Variants in DNAH6 observed in about 807,000 individuals in gnomAD.
DNAH6 encodes the protein dynein axonemal heavy chain 6, also known as axonemal beta dynein heavy chain 6.
Under a neutral mutation model 491.4 loss-of-function variants are expected in DNAH6, and 340 were observed. That is an observed-to-expected ratio of 0.69 (90% CI 0.63 to 0.76). The LOEUF (loss-of-function observed/expected upper bound fraction) is 0.76, where lower values mean the gene tolerates loss of function less well. Ranked by LOEUF, DNAH6 falls within the 30% of genes least tolerant of loss-of-function variation. DNAH6 has a pLI of 0.00. For synonymous variants in DNAH6, 1,603 were observed against 1,686.1 expected (o/e 0.95, Z 1.21); for missense variants, 4,443 against 4,972.2 (o/e 0.89, Z 3.20).
intron 5 of DNAH6, among the ~76,000 whole-genome samples, chr2:84,545,714 A>T: frequency 6.6e-6 from 1 of 152,142 alleles, no homozygotes; most frequent in South Asian, 2.1e-4. Context: ...CAGTCGTTTA[A>T]ATATGTATTA....
At chr2:84,734,295 C>T (rs553461825) in intron 62 of DNAH6, among the ~76,000 whole-genome samples, 1 of 152,006 alleles carries the variant, frequency 6.6e-6, no homozygotes, top group South Asian at 2.1e-4. Flanking sequence ...CGCCCACCAC[C>T]ACACCCGGCT....
chr2:84,758,511 T>G (rs972551210), intron 63 of DNAH6, among the ~76,000 whole-genome samples: 2 of 151,666 alleles, frequency 1.3e-5, no homozygotes, highest in African/African-American at 4.8e-5. Flanking sequence ...AAATATAGAC[T>G]CAAAAATCCC....
At chr2:84,750,139 T>G (rs1313169431) in intron 63 of DNAH6, among the ~76,000 whole-genome samples, 1 of 151,888 alleles carries the variant, frequency 6.6e-6, no homozygotes, top group Non-Finnish European at 1.5e-5. Flanking sequence ...TGTTAATTTT[T>G]TAGATGTAAT....
Position 84,703,396 on chromosome 2 carries a change from C to A in DNAH6, c.8063C>A (p.Ala2688Glu). 6.7e-7 allele frequency: 1 copy of A among 1,500,162 alleles called. No individual in the cohort carries two copies. Among genetic ancestry groups the A allele is most frequent in the Non-Finnish European group, 8.9e-7 (1 of 1,120,696 alleles). 92.9% of individuals were successfully genotyped at this position (1,500,162 alleles called of 1,614,324 possible). A position where few individuals can be genotyped will look rare whatever the true frequency, so the allele number is the denominator to read the frequency against. Residue 2688 changes from alanine (A) to glutamate (E), a missense_variant and splice_region_variant, in exon 50 of 77, where the codon GCA (alanine) becomes GAA (glutamate). By Grantham distance (107) the Ala-to-Glu change is moderately radical (BLOSUM62 -1). Coordinates refer to ENST00000389394, the MANE Select transcript of DNAH6 (RefSeq NM_001370.2). ...LSEKRKQIIS[A>E]RDRVKNGLTK... ...ATATAAATTTTCATTGTCACTTAGG[C>A]ACGAGATCGGGTGAAGAATGGTCTC...
At chr2:84,555,565 C>T (rs1026670866) in intron 10 of DNAH6, among the ~76,000 whole-genome samples, 6 of 152,164 alleles carry the variant, frequency 3.9e-5, no homozygotes, top group Non-Finnish European at 5.9e-5. Context: ...ATATTTATAT[C>T]TATATCTACC....
chr2:84,534,122 G>A (rs1481572742), intron 4 of DNAH6, among the ~76,000 whole-genome samples: 1 of 151,968 alleles, frequency 6.6e-6, no homozygotes, highest in Non-Finnish European at 1.5e-5. Flanking sequence ...CTGATGGTCT[G>A]AGTGAGTATC....
At chr2:84,753,899 A>T (rs1673732248) in intron 63 of DNAH6, among the ~76,000 whole-genome samples, 1 of 146,992 alleles carries the variant, frequency 6.8e-6, no homozygotes, top group Non-Finnish European at 1.5e-5. Context: ...ATCTCAGCTC[A>T]CTGCAACCTC....
rs374256100 is a variant in DNAH6, at chr2:84,816,710, C to T, written c.12373+627C>T. Among the ~76,000 whole-genome samples the T allele has an allele frequency of 1.7e-3, 262 of 152,124 alleles. 2 individuals carry two copies. In the South Asian group the frequency reaches 0.023, roughly 13 times the overall value. On this transcript the variant is annotated intron_variant, in intron 76 of 76. Transcript: ENST00000389394. ...TGCACTCCAGCCTAGGTAACAAGAG[C>T]GAAAACTCCATCATAAATAAGTAAA...
At chr2:84,633,007 C>G (rs547092125) in intron 29 of DNAH6, among the ~76,000 whole-genome samples, 1 of 152,238 alleles carries the variant, frequency 6.6e-6, no homozygotes, top group Admixed American at 6.5e-5. Context: ...TTGTTTCCCC[C>G]AAATGCCCCT....
chr2:84,755,567 G>A (rs1321998133), intron 63 of DNAH6, among the ~76,000 whole-genome samples: 1 of 151,908 alleles, frequency 6.6e-6, no homozygotes, highest in Non-Finnish European at 1.5e-5. Flanking sequence ...CTAGTGTTTT[G>A]TATATACAAA....
At chr2:84,589,124 G>A (rs766747133) in intron 16 of DNAH6, among the ~76,000 whole-genome samples, 170 bp downstream of exon 16, 2 of 152,166 alleles carry the variant, frequency 1.3e-5, no homozygotes, top group Non-Finnish European at 2.9e-5. Context: ...CCTTGCCTTC[G>A]AAGTGTTTAA....
At chr2:84,667,138 A>G (rs1692211739) in intron 37 of DNAH6, among the ~76,000 whole-genome samples, 1 of 152,222 alleles carries the variant, frequency 6.6e-6, no homozygotes, top group Admixed American at 6.5e-5. Context: ...CTAAAACCAT[A>G]AAAACCCTAG....
At chr2:84,585,721 C>T (rs1472821349) in intron 15 of DNAH6, among the ~76,000 whole-genome samples, 1 of 152,026 alleles carries the variant, frequency 6.6e-6, no homozygotes, top group African/African-American at 2.4e-5. Context: ...GCCCCGACAT[C>T]TCTGCAGGTC....
the DNAH6 span, among the ~76,000 whole-genome samples, chr2:84,461,949 C>A: frequency 1.1e-4 from 16 of 152,164 alleles, no homozygotes; most frequent in African/African-American, 3.9e-4. Context: ...AAGCAAAAGA[C>A]TAGAATTCAC....
At chr2:84,690,600 T>C (rs1256532046) in intron 45 of DNAH6, among the ~76,000 whole-genome samples, 6 of 152,200 alleles carry the variant, frequency 3.9e-5, no homozygotes, top group Non-Finnish European at 1.5e-5. Context: ...CCCCTCAAGG[T>C]TTGCTTAAAA....
chr2:84,652,124 G>A (rs983152120), intron 33 of DNAH6, among the ~76,000 whole-genome samples: 4 of 151,864 alleles, frequency 2.6e-5, no homozygotes, highest in East Asian at 1.9e-4. Flanking sequence ...CTTTGCACAC[G>A]TATGATATTT....
At chr2:84,469,489 TGTG>T in the DNAH6 span, among the ~76,000 whole-genome samples, 1 of 152,154 alleles carries the variant, frequency 6.6e-6, no homozygotes, top group Non-Finnish European at 1.5e-5. The surrounding 1 kb of genome is among the most constrained non-coding windows in gnomAD (Gnocchi z 4.0). Flanking sequence ...AGTTTCAACA[TGTG>T]GTCTCTGGGC....
In DNAH6 at chr2:84,547,301, T is replaced by C; in HGVS notation, c.964T>C (p.Leu322=). 1 of 1,547,100 alleles carries C rather than the reference T, an allele frequency of 6.5e-7. No individual in the cohort carries two copies. The highest frequency in any genetic ancestry group is 8.7e-7 in the Non-Finnish European group (1 of 1,144,652). ...ACCAGCTCTTCTTAAAATAAATGAA[T>C]TGTGTTATCATTTGAGTTTTATGGG... ...LRPALLKINE[L]CYHLSFMGLC... The change falls in exon 6 of 77, where the codon TTG becomes CTG. Residue 322 remains leucine, a synonymous_variant. Coordinates refer to ENST00000389394, the MANE Select transcript of DNAH6 (RefSeq NM_001370.2).
intron 12 of DNAH6, among the ~76,000 whole-genome samples, chr2:84,575,802 T>G (rs1004321836): frequency 6.6e-6 from 1 of 152,104 alleles, no homozygotes; most frequent in Non-Finnish European, 1.5e-5. Context: ...GAGAATGGTG[T>G]GAACCCAGGA....
Sources: gnomAD v4.1 joint callset for allele counts (sites outside exome capture counted in the v4.1 genomes callset) on GRCh38, gnomAD v4.1.1 for gene constraint, Gnocchi (gnomAD v3.1) non-coding constraint, MANE v1.5 for transcripts, NCBI Gene and HGNC (gene_info 2026-07-23, HGNC 2026-07-21) for gene names.